Variants in CACNA1C observed in about 807,000 individuals in gnomAD.
CACNA1C encodes the protein calcium voltage-gated channel subunit alpha1 C.
In CACNA1C, 30 loss-of-function variants were observed where a neutral mutation model predicts 229.0. The ratio of observed to expected loss-of-function variants is 0.13; its 90% CI spans 0.10 to 0.18. CACNA1C has a LOEUF of 0.18. Among genes scored for constraint, CACNA1C ranks in the 10% least tolerant of loss-of-function variants. The probability of loss-of-function intolerance (pLI) is 1.00; values close to 1 mark genes in which losing one functional copy is unlikely to be tolerated. For synonymous variants in CACNA1C, 1,114 were observed against 1,132.5 expected (o/e 0.98, Z 0.33); for missense variants, 1,658 against 2,845.0 (o/e 0.58, Z 9.49).
At chr12:2,607,354 G>A (rs970508350) in intron 26 of CACNA1C, 3 of 507,004 alleles carry the variant, frequency 5.9e-6, no homozygotes, top group Admixed American at 7.1e-5. Context: ...CCCACCAAAA[G>A]TGACCTTTTT....
At chr12:2,098,642 A>T (rs1387206150) in intron 1 of CACNA1C, among the ~76,000 whole-genome samples, 3 of 152,204 alleles carry the variant, frequency 2.0e-5, no homozygotes, top group Non-Finnish European at 4.4e-5. Context: ...ATCCATTAAT[A>T]TCTGTGTATG....
intron 34 of CACNA1C, among the ~76,000 whole-genome samples, chr12:2,659,656 A>G (rs544025516): frequency 3.3e-4 from 50 of 152,318 alleles, no homozygotes; most frequent in African/African-American, 1.2e-3. Flanking sequence ...ATAGATGGGG[A>G]AAAGAATAGT....
intron 11 of CACNA1C, among the ~76,000 whole-genome samples, chr12:2,560,848 T>TAAAAAAAAAAAAAAAAAA (rs36012443): frequency 1.1e-4 from 13 of 113,094 alleles, no homozygotes; most frequent in African/African-American, 4.5e-4. Context: ...TTGGTTCTGG[T>TAAAAAAAAAAAAAAAAAA]AAAAAAAAAA....
At chr12:2,233,894 A>G (rs2066290142) in intron 3 of CACNA1C, among the ~76,000 whole-genome samples, 1 of 152,182 alleles carries the variant, frequency 6.6e-6, no homozygotes, top group Non-Finnish European at 1.5e-5. Flanking sequence ...CTACAAGTCA[A>G]GTTGGATCTG....
rs1265644316 is a variant in CACNA1C, at chr12:2,135,526, G to C, written c.477+15096G>C. Among the ~76,000 whole-genome samples the C allele has an allele frequency of 3.8e-5, 5 of 132,172 alleles. 1 individual carries two copies. The highest frequency in any genetic ancestry group is 7.7e-5 in the Non-Finnish European group (5 of 64,740). 86.7% of individuals were successfully genotyped at this position (132,172 alleles called of 152,430 possible). ...CTGTTTGTTAGTTTTCCTTCTAACA[G>C]ACAGGACCCTCAGCTGCAGGTCTGT... On this transcript the variant is annotated intron_variant, in intron 3 of 46. Transcript: ENST00000399655.
chr12:2,523,892 C>G (rs1278242643), intron 9 of CACNA1C, among the ~76,000 whole-genome samples: 1 of 152,230 alleles, frequency 6.6e-6, no homozygotes, highest in African/African-American at 2.4e-5. Context: ...TTGCCTCCCT[C>G]ACCCACTCCA....
At chr12:2,228,631 G>T (rs974126290) in intron 3 of CACNA1C, among the ~76,000 whole-genome samples, 5 of 152,202 alleles carry the variant, frequency 3.3e-5, no homozygotes, top group African/African-American at 1.2e-4. Context: ...ACCCAGTACA[G>T]ATTTTGAGCC....
chr12:2,258,295 C>G (rs1216998140), intron 3 of CACNA1C, among the ~76,000 whole-genome samples: 1 of 152,230 alleles, frequency 6.6e-6, no homozygotes, highest in African/African-American at 2.4e-5. Context: ...TTCAGTTTAA[C>G]TGCCAGGAAA....
intron 34 of CACNA1C, among the ~76,000 whole-genome samples, chr12:2,663,901 C>A (rs907568858): frequency 6.6e-6 from 1 of 151,988 alleles, no homozygotes; most frequent in African/African-American, 2.4e-5. Context: ...ACCACCGCGC[C>A]CGGCTAATTT....
Position 2,504,511 on chromosome 12 carries a change from C to G in CACNA1C, c.1114-331C>G. On this transcript the variant is annotated intron_variant, in intron 7 of 46. Coordinates refer to ENST00000399655, the MANE Select transcript of CACNA1C (RefSeq NM_000719.7). The surrounding 1 kb of genome is among the most constrained non-coding windows in gnomAD (Gnocchi z 6.8). ...GGTCATCTTTGGATCCTTTTTCGTT[C>G]TAAATCTGGTTCTCGGTGTGTTGAG... 6.2e-7 allele frequency: 1 copy of G among 1,610,240 alleles called. No homozygotes were observed. Among genetic ancestry groups the G allele is most frequent in the Non-Finnish European group, 8.5e-7 (1 of 1,176,614 alleles).
chr12:2,101,186 T>G (rs6489349), intron 1 of CACNA1C, among the ~76,000 whole-genome samples: 94,133 of 151,934 alleles, frequency 0.62, 29,482 homozygotes, highest in Non-Finnish European at 0.66. Context: ...TCTCTAACCA[T>G]TTCTCCAGTG....
Position 2,655,364 on chromosome 12 carries a change from C to T in CACNA1C, c.4232+126C>T, listed in dbSNP as rs1184660788. ...AGGAAGGGAGAGGATGTGTTGCTTG[C>T]TCTCTGCCTGACAAGGAGGCCAGTG... On this transcript the variant is annotated intron_variant, in intron 34 of 46. Transcript: ENST00000399655. 8.2e-6 allele frequency: 5 copies of T among 607,890 alleles called. 1 individual carries two copies. The Admixed American group carries it at 1.5e-4, about 18-fold the overall frequency. 37.7% of individuals were successfully genotyped at this position (607,890 alleles called of 1,614,324 possible).
intron 9 of CACNA1C, among the ~76,000 whole-genome samples, chr12:2,524,307 C>T (rs1192241353): frequency 1.1e-4 from 17 of 152,156 alleles, no homozygotes; most frequent in Admixed American, 9.8e-4. Flanking sequence ...AAATAGACAC[C>T]GTCTCTGTCC....
chr12:2,665,866 G>A lies in CACNA1C; in HGVS notation c.4526+158G>A, dbSNP rs1489669863. On this transcript the variant is annotated intron_variant, in intron 36 of 46. Coordinates refer to ENST00000399655, the MANE Select transcript of CACNA1C (RefSeq NM_000719.7). This position sits in a 1 kb window ranked among gnomAD's most constrained non-coding sequence, Gnocchi z 5.9. ...GGTGAAAGGTCAAGGGCCAGCAGGAGGAGGCCCGGCACCTTCAATTAAGTC... is the reference window on the plus strand; with the variant it reads ...GGTGAAAGGTCAAGGGCCAGCAGGAAGAGGCCCGGCACCTTCAATTAAGTC... Among the ~76,000 whole-genome samples the A allele has an allele frequency of 6.6e-6, 1 of 152,176 alleles. No individual in the cohort carries two copies. The highest frequency in any genetic ancestry group is 1.5e-5 in the Non-Finnish European group (1 of 68,030).
At chr12:2,209,413 G>A (rs2097853679) in intron 3 of CACNA1C, among the ~76,000 whole-genome samples, 1 of 152,076 alleles carries the variant, frequency 6.6e-6, no homozygotes, top group Admixed American at 6.6e-5. Context: ...GAAGTTTGGT[G>A]GCTCTCTGAA....
At chr12:2,056,903 T>C (rs2055199150) in intron 1 of CACNA1C, among the ~76,000 whole-genome samples, 1 of 152,136 alleles carries the variant, frequency 6.6e-6, no homozygotes, top group African/African-American at 2.4e-5. Context: ...CATACACACA[T>C]GGAATAAGGA....
At chr12:2,627,840 AG>A (rs1238008984) in intron 29 of CACNA1C, among the ~76,000 whole-genome samples, 1 of 152,182 alleles carries the variant, frequency 6.6e-6, no homozygotes, top group Admixed American at 6.5e-5. Flanking sequence ...GAAGTCCTGC[AG>A]CCCCTCCAGC....
chr12:2,157,102 G>C (rs2095590966), intron 3 of CACNA1C, among the ~76,000 whole-genome samples: 1 of 152,208 alleles, frequency 6.6e-6, no homozygotes, highest in South Asian at 2.1e-4. Flanking sequence ...AAGAACTGGA[G>C]AATTGGTTCA....
intron 38 of CACNA1C, among the ~76,000 whole-genome samples, chr12:2,673,601 G>A (rs1477987394): frequency 2.0e-5 from 3 of 152,150 alleles, no homozygotes; most frequent in Non-Finnish European, 2.9e-5. Flanking sequence ...TGGAGGCTCT[G>A]GGGGAGATCA....
Sources: allele counts gnomAD v4.1 joint callset (sites outside exome capture counted in the v4.1 genomes callset), GRCh38; gene constraint gnomAD v4.1.1; non-coding constraint Gnocchi (gnomAD v3.1); transcripts MANE v1.5; gene names NCBI Gene and HGNC (gene_info 2026-07-23, HGNC 2026-07-21).